The following ERAP1 variants were observed in gnomAD, a reference collection of about 807,000 sequenced individuals.
ERAP1 encodes endoplasmic reticulum aminopeptidase 1.
ERAP1 carries 86 observed loss-of-function variants against 103.7 expected under a neutral mutation model. That is an observed-to-expected ratio of 0.83 (90% CI 0.70 to 0.99). The LOEUF (loss-of-function observed/expected upper bound fraction) is 0.99, where lower values mean the gene tolerates loss of function less well. Among genes scored for constraint, ERAP1 ranks in the 50% least tolerant of loss-of-function variants. The pLI is 0.00. For missense variants in ERAP1, 1,009 were observed against 1,128.4 expected, an observed-to-expected ratio of 0.89 and a Z score of 1.52; for synonymous variants, 398 against 402.4, an observed-to-expected ratio of 0.99 and a Z score of 0.13.
At chr5:96,891,508 T>C in the ERAP1 span, among the ~76,000 whole-genome samples, 2 of 31,818 alleles carry the variant, frequency 6.3e-5, no homozygotes, top group African/African-American at 2.4e-4. Context: ...TGTATATATA[T>C]ATATATATGC....
upstream of ERAP1, among the ~76,000 whole-genome samples, chr5:96,808,426 G>T (rs1465262598): frequency 6.6e-6 from 1 of 151,938 alleles, no homozygotes; most frequent in Non-Finnish European, 1.5e-5. Context: ...GACTCGCTGG[G>T]TGTCCGTCAT....
At chr5:96,931,327 T>C in the ERAP1 span, among the ~76,000 whole-genome samples, 1 of 152,084 alleles carries the variant, frequency 6.6e-6, no homozygotes, top group African/African-American at 2.4e-5. Context: ...TAGCTAATTT[T>C]TCAATTTTTT....
the ERAP1 span, among the ~76,000 whole-genome samples, chr5:96,933,912 G>C: frequency 1.3e-5 from 2 of 152,136 alleles, no homozygotes; most frequent in African/African-American, 4.8e-5. Context: ...TCAGTACTAG[G>C]GGCCAGCCTA....
At chr5:96,900,536 T>C in the ERAP1 span, among the ~76,000 whole-genome samples, 3 of 152,160 alleles carry the variant, frequency 2.0e-5, no homozygotes, top group Non-Finnish European at 4.4e-5. Context: ...AAATACAGTA[T>C]ATGTTTTTCT....
chr5:96,924,849 C>T, the ERAP1 span, among the ~76,000 whole-genome samples: 2 of 152,160 alleles, frequency 1.3e-5, no homozygotes. Context: ...CCACCCACCT[C>T]GGCCTCTCAA....
chr5:96,878,400 C>T, the ERAP1 span, among the ~76,000 whole-genome samples: 3 of 19,042 alleles, frequency 1.6e-4, no homozygotes, highest in Admixed American at 1.2e-3. Flanking sequence ...CAATGCCATT[C>T]GTAGTAATAA....
chr5:96,825,103 T>G, the ERAP1 span, among the ~76,000 whole-genome samples: 3 of 152,210 alleles, frequency 2.0e-5, no homozygotes, highest in African/African-American at 7.2e-5. Flanking sequence ...CATTGGTCAG[T>G]AAGTTCCATG....
At chr5:96,855,440 A>T in the ERAP1 span, among the ~76,000 whole-genome samples, 1 of 152,204 alleles carries the variant, frequency 6.6e-6, no homozygotes, top group Non-Finnish European at 1.5e-5. Flanking sequence ...CACTGGAGAC[A>T]ATTTTGTAGC....
rs10646647 is a variant in ERAP1 at position 96,798,871 on chromosome 5, C to CTTTTTTTTTT, written c.664-1572_664-1563dup. On this transcript the variant is annotated intron_variant, in intron 3 of 18. Transcript: ENST00000443439. ...TCTGCCTACCTACAACAAAAATTTCCTTTTTTTTTTTTTTGAGATGGAGTC... is the reference window on the plus strand; with the variant it reads ...TCTGCCTACCTACAACAAAAATTTCCTTTTTTTTTTTTTTTTTTTTTTTTGAGATGGAGTC... 1.1e-3 allele frequency among the ~76,000 whole-genome samples: 137 copies of CTTTTTTTTTT among 124,848 alleles called. 8 individuals are homozygous for CTTTTTTTTTT. Among genetic ancestry groups the CTTTTTTTTTT allele is most frequent in the Admixed American group, 2.9e-3 (34 of 11,724 alleles). 81.9% of individuals were successfully genotyped at this position (124,848 alleles called of 152,430 possible). A position where few individuals can be genotyped will look rare whatever the true frequency, so the allele number is the denominator to read the frequency against.
the ERAP1 span, among the ~76,000 whole-genome samples, chr5:96,865,121 T>A: frequency 3.9e-5 from 6 of 152,216 alleles, no homozygotes; most frequent in Non-Finnish European, 7.4e-5. Context: ...TCCCTGATAG[T>A]ACACTGAGTT....
chr5:96,900,595 G>C, the ERAP1 span, among the ~76,000 whole-genome samples: 1 of 152,114 alleles, frequency 6.6e-6, no homozygotes, highest in Non-Finnish European at 1.5e-5. Context: ...AAAGAGAAAA[G>C]AAAGTCATCA....
chr5:96,889,584 TG>T, the ERAP1 span: 1 of 672,894 alleles, frequency 1.5e-6, no homozygotes. Context: ...GGGCACACAC[TG>T]GAGGCTGGGA....
intron 8 of ERAP1, 28 bp from the exon 9 acceptor site, chr5:96,790,671 T>G: frequency 6.3e-7 from 1 of 1,595,148 alleles, no homozygotes; most frequent in Non-Finnish European, 8.6e-7. Flanking sequence ...ATAATTGTTA[T>G]CTATAGTTTC....
At chr5:96,847,775 C>A in the ERAP1 span, among the ~76,000 whole-genome samples, 2 of 151,934 alleles carry the variant, frequency 1.3e-5, no homozygotes, top group Non-Finnish European at 2.9e-5. Flanking sequence ...TTAAGATAAG[C>A]AAAAATGGAA....
chr5:96,792,034 G>A (rs1487756147), intron 8 of ERAP1, 27 bp downstream of exon 8: 1 of 1,612,476 alleles, frequency 6.2e-7, no homozygotes, highest in East Asian at 2.2e-5. Context: ...TATCTAAACT[G>A]TATCCTTATA....
chr5:96,765,411 A>G, intron 19 of ERAP1: 1 of 685,518 alleles, frequency 1.5e-6, no homozygotes. Context: ...TCATAGGAAT[A>G]TTGATGTGAA....
Position 96,803,478 on chromosome 5 carries a change from T to C in ERAP1, c.449A>G (p.His150Arg). Reference protein sequence around the residue: ...LVGLPYTVVIHYAGNLSETFH... With the variant: ...LVGLPYTVVIRYAGNLSETFH... ...AGTCTCCGAAAGATTGCCAGCATAG[T>C]GAATGACAACTGTGTACGGGAGCCC... The change falls in exon 2 of 19, where the codon CAC becomes CGC. Residue 150 changes from histidine to arginine, a missense_variant. Around this residue, in one of 3 missense-constraint regions of ERAP1, gnomAD observed 392 missense variants for 455.2 expected, o/e 0.86. Coordinates refer to ENST00000443439, the MANE Select transcript of ERAP1 (RefSeq NM_001040458.3). The C allele has an allele frequency of 6.2e-7, 1 of 1,613,410 alleles. No individual in the cohort carries two copies. The highest frequency in any genetic ancestry group is 8.5e-7 in the Non-Finnish European group (1 of 1,179,850).
At chr5:96,902,214 A>G in the ERAP1 span, 2 of 1,167,324 alleles carry the variant, frequency 1.7e-6, no homozygotes, top group Admixed American at 3.4e-5. Context: ...TGAGTCTGAC[A>G]ATGTGAAAAA....
intron 11 of ERAP1, among the ~76,000 whole-genome samples, chr5:96,787,869 T>C (rs1776268924): frequency 6.7e-6 from 1 of 149,586 alleles, no homozygotes; most frequent in East Asian, 1.9e-4. Flanking sequence ...CATATACATA[T>C]ATATATAGAG....
Sources: allele counts gnomAD v4.1 joint callset (sites outside exome capture counted in the v4.1 genomes callset), GRCh38; gene constraint gnomAD v4.1.1; regional missense constraint gnomAD v4.1.1; transcripts MANE v1.5; gene names NCBI Gene and HGNC (gene_info 2026-07-23, HGNC 2026-07-21).